The following TBC1D22B variants were observed in gnomAD, a reference collection of about 807,000 sequenced individuals.
TBC1D22B encodes the protein chromosome 6 open reading frame 197.
TBC1D22B carries 32 observed loss-of-function variants against 69.1 expected under a neutral mutation model. That is an observed-to-expected ratio of 0.46 (90% CI 0.35 to 0.62). TBC1D22B has a LOEUF of 0.62. TBC1D22B is among the 20% of genes least tolerant of loss of function. TBC1D22B has a pLI of 0.00. For missense variants in TBC1D22B, 462 were observed against 630.9 expected, an observed-to-expected ratio of 0.73 and a Z score of 2.87; for synonymous variants, 206 against 229.8, an observed-to-expected ratio of 0.90 and a Z score of 0.94.
chr6:37,329,493 T>C (rs550489142), intron 12 of TBC1D22B, among the ~76,000 whole-genome samples: 11 of 152,338 alleles, frequency 7.2e-5, no homozygotes, highest in African/African-American at 2.6e-4. Flanking sequence ...TTCCCTAGGA[T>C]AGAGAGTTAG....
chr6:37,294,500 G>A (rs1232499762), intron 8 of TBC1D22B, among the ~76,000 whole-genome samples: 2 of 152,182 alleles, frequency 1.3e-5, no homozygotes. Flanking sequence ...TTCATAGCTA[G>A]AGGGGAGTAG....
In TBC1D22B at chr6:37,279,405, T is replaced by C. The variant is rs1193254577; in HGVS notation, c.215T>C (p.Ile72Thr). 1.9e-6 allele frequency: 3 copies of C among 1,614,214 alleles called. No homozygotes were observed. The highest frequency in any genetic ancestry group is 1.1e-5 in the South Asian group (1 of 91,082). The part of the protein sequence containing the change: ...FARNTSDAWD[I>T]GDDEEEDFSS... ...CGGAATACCAGTGATGCTTGGGACA[T>C]TGGCGATGATGAGGAAGAGGACTTT... The change falls in exon 3 of 13, where the codon ATT (isoleucine) becomes ACT (threonine). Residue 72 changes from isoleucine to threonine, a missense_variant. By Grantham distance (89) the Ile-to-Thr change is moderately conservative. This residue lies in a region of TBC1D22B where 237 missense variants were observed against 255.4 expected (regional missense o/e 0.93). Transcript: ENST00000373491.
intron 2 of TBC1D22B, among the ~76,000 whole-genome samples, chr6:37,273,145 A>T (rs1766547025): frequency 7.6e-6 from 1 of 131,532 alleles, no homozygotes; most frequent in African/African-American, 2.8e-5. Flanking sequence ...TGTGAGTGTG[A>T]TTCTGAAAGC....
intron 3 of TBC1D22B, 45 bp from the exon 4 acceptor site, chr6:37,282,140 T>C (rs1237766186): frequency 1.2e-6 from 2 of 1,600,992 alleles, no homozygotes; most frequent in Non-Finnish European, 1.7e-6. Flanking sequence ...TCAGAATCCA[T>C]ACTCCTCACA....
In TBC1D22B at chr6:37,287,060, A is replaced by G; in HGVS notation, c.855A>G (p.Pro285=). 6.2e-7 allele frequency: 1 copy of G among 1,604,190 alleles called. No homozygotes were observed. Among genetic ancestry groups the G allele is most frequent in the Non-Finnish European group, 8.5e-7 (1 of 1,176,454 alleles). ...CTCTCATTCCGTTGTTCCAGCAACC[A>G]CTTGTACAGGAGGTGAGGGAATTAC... ...TNPLIPLFQQ[P]LVQEIFERIL... Residue 285 remains proline (P), a synonymous_variant, in exon 7 of 13, where the codon CCA becomes CCG. Transcript: ENST00000373491.
At chr6:37,327,099 G>A (rs9394429) in intron 12 of TBC1D22B, among the ~76,000 whole-genome samples, 120,580 of 152,114 alleles carry the variant, frequency 0.79, 47,889 homozygotes, top group Middle Eastern at 0.9. Flanking sequence ...AGCAGAGATG[G>A]GTAAAAGGGG....
At chr6:37,305,352 G>A (rs1026508758) in intron 8 of TBC1D22B, among the ~76,000 whole-genome samples, 1 of 152,068 alleles carries the variant, frequency 6.6e-6, no homozygotes, top group Non-Finnish European at 1.5e-5. Context: ...TGCACAGTTC[G>A]ATGAATTTCC....
intron 12 of TBC1D22B, among the ~76,000 whole-genome samples, chr6:37,323,371 T>A (rs1003425117): frequency 3.3e-5 from 5 of 151,918 alleles, no homozygotes; most frequent in Admixed American, 3.3e-4. Context: ...CTAAAAAAAA[T>A]ATTTAAAAAT....
chr6:37,308,220 C>G (rs1456398097), intron 8 of TBC1D22B, among the ~76,000 whole-genome samples: 2 of 152,208 alleles, frequency 1.3e-5, no homozygotes, highest in Non-Finnish European at 2.9e-5. Context: ...CTTGTCATGA[C>G]AACCAGAGAC....
At chr6:37,272,395 G>A (rs533492997) in intron 2 of TBC1D22B, among the ~76,000 whole-genome samples, 14 of 145,786 alleles carry the variant, frequency 9.6e-5, no homozygotes, top group African/African-American at 2.6e-4. Context: ...AGAGTCTTGC[G>A]CTGCTGCTCA....
In TBC1D22B at chr6:37,331,183, C is replaced by T; in HGVS notation, c.*11C>T. The T allele has an allele frequency of 6.2e-7, 1 of 1,613,760 alleles. No homozygotes were observed. Among genetic ancestry groups the T allele is most frequent in the Non-Finnish European group, 8.5e-7 (1 of 1,179,770 alleles). On this transcript the variant is annotated 3_prime_UTR_variant, in exon 13 of 13. Coordinates refer to ENST00000373491, the MANE Select transcript of TBC1D22B (RefSeq NM_017772.4). ...CACTACCGCCGATAGGTGCTGTCTCCTCCGGGGACCCAGACTGCCTTCATC... is the reference window on the plus strand; with the variant it reads ...CACTACCGCCGATAGGTGCTGTCTCTTCCGGGGACCCAGACTGCCTTCATC...
chr6:37,283,255 G>A (rs924553052), intron 5 of TBC1D22B, among the ~76,000 whole-genome samples: 6 of 152,208 alleles, frequency 3.9e-5, no homozygotes, highest in East Asian at 1.9e-4. Context: ...AAGCTCCAAC[G>A]TTCCCTGTGC....
At chr6:37,275,092 A>G (rs6457985) in intron 2 of TBC1D22B, among the ~76,000 whole-genome samples, 128,277 of 152,012 alleles carry the variant, frequency 0.84, 54,386 homozygotes, top group South Asian at 0.92. Flanking sequence ...ACTTCAAGCC[A>G]CACTGTGGCA....
intron 6 of TBC1D22B, among the ~76,000 whole-genome samples, chr6:37,286,379 G>C (rs1047729105): frequency 6.7e-6 from 1 of 150,310 alleles, no homozygotes; most frequent in African/African-American, 2.5e-5. Context: ...GCAGTGGCCC[G>C]ATCTCGGCTC....
chr6:37,317,156 G>T lies in TBC1D22B; in HGVS notation c.1339G>T (p.Ala447Ser). 6.3e-7 allele frequency: 1 copy of T among 1,579,366 alleles called. No homozygotes were observed. Among genetic ancestry groups the T allele is most frequent in the South Asian group, 1.2e-5 (1 of 86,360 alleles). ...FSHFHLYVCAAFLIKWRKEIL... is the reference protein window; with the variant it reads ...FSHFHLYVCASFLIKWRKEIL... ...CCACTTTCATCTCTACGTGTGTGCA[G>T]CCTTCTTGATCAAGTGGAGGAAAGA... Residue 447 changes from alanine to serine, a missense_variant, in exon 12 of 13, where the codon GCC becomes TCC. Around this residue, in one of 2 missense-constraint regions of TBC1D22B, gnomAD observed 225 missense variants for 375.4 expected, o/e 0.60. Coordinates refer to ENST00000373491, the MANE Select transcript of TBC1D22B (RefSeq NM_017772.4).
chr6:37,287,207 A>G (rs751562980), intron 7 of TBC1D22B, 135 bp downstream of exon 7: 1 of 619,966 alleles, frequency 1.6e-6, no homozygotes, highest in South Asian at 2.6e-5. Flanking sequence ...GCATGGTTTC[A>G]TACATTTTCA....
chr6:37,283,253 A>G (rs1314155737), intron 5 of TBC1D22B, among the ~76,000 whole-genome samples: 4 of 152,220 alleles, frequency 2.6e-5, no homozygotes, highest in Admixed American at 1.3e-4. Flanking sequence ...GTAAGCTCCA[A>G]CGTTCCCTGT....
At chr6:37,276,588 A>G (rs1276806751) in intron 2 of TBC1D22B, among the ~76,000 whole-genome samples, 2 of 152,122 alleles carry the variant, frequency 1.3e-5, no homozygotes, top group East Asian at 1.9e-4. Context: ...GTAAATTCCA[A>G]TCTTAATCTA....
intron 6 of TBC1D22B, among the ~76,000 whole-genome samples, chr6:37,284,987 C>G (rs1766957438): frequency 2.0e-5 from 3 of 152,202 alleles, no homozygotes; most frequent in Non-Finnish European, 4.4e-5. Flanking sequence ...GGAGCTGTAG[C>G]TTTCAGTAGT....
Sources: gnomAD v4.1 joint callset for allele counts (sites outside exome capture counted in the v4.1 genomes callset) on GRCh38, gnomAD v4.1.1 for gene constraint, gnomAD v4.1.1 regional missense constraint, MANE v1.5 for transcripts, NCBI Gene and HGNC (gene_info 2026-07-23, HGNC 2026-07-21) for gene names.